The following KLHL1 variants were observed in gnomAD, a reference collection of about 807,000 sequenced individuals.
KLHL1 encodes the protein kelch-like protein 1.
Under a neutral mutation model 77.7 loss-of-function variants are expected in KLHL1, and 47 were observed. That is an observed-to-expected ratio of 0.60 (90% CI 0.48 to 0.77). KLHL1 has a LOEUF of 0.77. Ranked by LOEUF, KLHL1 falls within the 30% of genes least tolerant of loss-of-function variation. KLHL1 has a pLI of 0.00. For missense variants in KLHL1, 925 were observed against 910.8 expected (o/e 1.02, Z -0.20); for synonymous variants, 360 against 325.2 (o/e 1.11, Z -1.15).
chr13:70,028,068 A>G (rs959704247), intron 1 of KLHL1, among the ~76,000 whole-genome samples: 1 of 152,172 alleles, frequency 6.6e-6, no homozygotes, highest in Non-Finnish European at 1.5e-5. Context: ...AGGTGTAGGT[A>G]AGGTCAGAAA....
intron 6 of KLHL1, among the ~76,000 whole-genome samples, chr13:69,810,575 G>A (rs369751886): frequency 2.0e-5 from 3 of 151,918 alleles, no homozygotes; most frequent in East Asian, 3.9e-4. Flanking sequence ...CATCTACATC[G>A]AGAAGATAGA....
chr13:69,929,258 G>A (rs555758581), intron 4 of KLHL1, among the ~76,000 whole-genome samples: 1 of 152,022 alleles, frequency 6.6e-6, no homozygotes, highest in East Asian at 1.9e-4. Context: ...TTGTTAAAAC[G>A]TCAAGCCTTC....
intron 10 of KLHL1, among the ~76,000 whole-genome samples, chr13:69,706,958 A>G (rs1182401825): frequency 6.6e-6 from 1 of 151,908 alleles, no homozygotes; most frequent in African/African-American, 2.4e-5. Flanking sequence ...CTGAGTCTCT[A>G]ACTACAGTGT....
intron 3 of KLHL1, among the ~76,000 whole-genome samples, chr13:69,940,690 T>C (rs1413394067): frequency 2.0e-5 from 3 of 151,756 alleles, no homozygotes; most frequent in African/African-American, 4.8e-5. Flanking sequence ...GTTGGTAGTA[T>C]TGTACTTAAC....
At chr13:70,026,718 G>A (rs77935105) in intron 1 of KLHL1, among the ~76,000 whole-genome samples, 47,501 of 150,448 alleles carry the variant, frequency 0.32, 8,616 homozygotes, top group South Asian at 0.44. Flanking sequence ...GTGTGTGTGT[G>A]TGTGTGTGTG....
At chr13:69,815,993 CAA>C (rs773282789) in intron 6 of KLHL1, among the ~76,000 whole-genome samples, 1 of 151,358 alleles carries the variant, frequency 6.6e-6, no homozygotes, top group South Asian at 2.1e-4. Flanking sequence ...ACATATTAAT[CAA>C]GAGGAAAAAT....
At chr13:69,998,466 T>A (rs1025353080) in intron 1 of KLHL1, among the ~76,000 whole-genome samples, 14 of 152,078 alleles carry the variant, frequency 9.2e-5, no homozygotes, top group Non-Finnish European at 1.8e-4. Context: ...ATTAACTGAC[T>A]ATGGCTCACA....
At position 69,764,929 on chromosome 13, in the gene KLHL1, C is replaced by CTTTTTTTTTTTTTTTTTTTTTTTT. The variant is rs71196263; in HGVS notation, c.1640-24397_1640-24374dup. Reference sequence around the variant, plus strand: ...TCTCATGCTTTCATGTATATCTTTGCTTTTTTTTTTTTTTTTTTTTTTTTT... The same window carrying CTTTTTTTTTTTTTTTTTTTTTTTT: ...TCTCATGCTTTCATGTATATCTTTGCTTTTTTTTTTTTTTTTTTTTTTTTTTTTTTTTTTTTTTTTTTTTTTTTT... On this transcript the variant is annotated intron_variant, in intron 7 of 10. Coordinates refer to ENST00000377844, the MANE Select transcript of KLHL1 (RefSeq NM_020866.3). 3.8e-3 allele frequency among the ~76,000 whole-genome samples: 152 copies of CTTTTTTTTTTTTTTTTTTTTTTTT among 39,724 alleles called. 60 individuals carry two copies. The highest frequency in any genetic ancestry group is 6.3e-3 in the East Asian group (5 of 798). The allele number at this position is 39,724 out of a possible 152,430, so 26.1% of individuals were successfully genotyped here. A position where few individuals can be genotyped will look rare whatever the true frequency, so the allele number is the denominator to read the frequency against.
chr13:69,744,499 T>A (rs1202256781), intron 7 of KLHL1, among the ~76,000 whole-genome samples: 1 of 150,128 alleles, frequency 6.7e-6, no homozygotes, highest in Non-Finnish European at 1.5e-5. Context: ...ATATATATAT[T>A]ACATTAATAT....
intron 3 of KLHL1, among the ~76,000 whole-genome samples, chr13:69,946,750 C>T (rs1344244976): frequency 6.6e-6 from 1 of 152,028 alleles, no homozygotes; most frequent in African/African-American, 2.4e-5. Context: ...TGGCCCCAAG[C>T]CATCCTCTTG....
chr13:69,932,979 TAAG>T (rs755263803), intron 4 of KLHL1, among the ~76,000 whole-genome samples: 8 of 151,934 alleles, frequency 5.3e-5, no homozygotes, highest in African/African-American at 1.9e-4. Context: ...CAAAGAATGT[TAAG>T]AAATACAAAA....
At chr13:70,054,881 G>C (rs1234341816) in intron 1 of KLHL1, among the ~76,000 whole-genome samples, 1 of 150,812 alleles carries the variant, frequency 6.6e-6, no homozygotes, top group African/African-American at 2.4e-5. Context: ...AGTCAGAGGA[G>C]ACAAAAGAAA....
chr13:69,798,135 T>C (rs184867393), intron 6 of KLHL1, among the ~76,000 whole-genome samples: 12 of 152,284 alleles, frequency 7.9e-5, no homozygotes, highest in Admixed American at 3.3e-4. Flanking sequence ...CTTGATGTAG[T>C]GTTTGACTTC....
chr13:69,791,081 A>C (rs1876852030), intron 7 of KLHL1, among the ~76,000 whole-genome samples: 1 of 152,214 alleles, frequency 6.6e-6, no homozygotes, highest in Non-Finnish European at 1.5e-5. Flanking sequence ...AAGAAAAAAT[A>C]ATAATAAATA....
chr13:70,036,659 T>G (rs1886245231), intron 1 of KLHL1, among the ~76,000 whole-genome samples: 1 of 151,960 alleles, frequency 6.6e-6, no homozygotes, highest in Non-Finnish European at 1.5e-5. Context: ...GATGTATGTG[T>G]AGCAGTAGAT....
At position 70,107,187 on chromosome 13, in the gene KLHL1, T is replaced by C; in HGVS notation, c.497+16A>G. On this transcript the variant is annotated intron_variant, in intron 1 of 10. Transcript: ENST00000377844. Reference sequence around the variant, plus strand: ...AATTGAGAGATGCTTGGAAGCCCCGTGGGGACTTACTGTACCTGTGTCCAC... The same window carrying C: ...AATTGAGAGATGCTTGGAAGCCCCGCGGGGACTTACTGTACCTGTGTCCAC... 6.3e-7 allele frequency: 1 copy of C among 1,574,872 alleles called. No homozygotes were observed. Among genetic ancestry groups the C allele is most frequent in the Non-Finnish European group, 8.6e-7 (1 of 1,159,494 alleles).
chr13:69,844,656 G>A (rs1404291494), intron 5 of KLHL1, among the ~76,000 whole-genome samples: 1 of 151,526 alleles, frequency 6.6e-6, no homozygotes, highest in African/African-American at 2.4e-5. Flanking sequence ...GGTACAATTT[G>A]ATCATAATTT....
At chr13:69,942,519 C>G (rs1324028590) in intron 3 of KLHL1, among the ~76,000 whole-genome samples, 1 of 151,962 alleles carries the variant, frequency 6.6e-6, no homozygotes, top group African/African-American at 2.4e-5. Flanking sequence ...AACTTTTGGA[C>G]AGAATATTTA....
chr13:70,090,030 G>T (rs534018557), intron 1 of KLHL1, among the ~76,000 whole-genome samples: 7 of 151,992 alleles, frequency 4.6e-5, no homozygotes, highest in Admixed American at 3.9e-4. Context: ...TTAATCAATA[G>T]TATTGATAAT....
Sources: gnomAD v4.1 joint callset for allele counts (sites outside exome capture counted in the v4.1 genomes callset) on GRCh38, gnomAD v4.1.1 for gene constraint, MANE v1.5 for transcripts, NCBI Gene and HGNC (gene_info 2026-07-23, HGNC 2026-07-21) for gene names.